PAM: variants seen among roughly 807,000 people sequenced by gnomAD.
PAM encodes peptidyl-glycine alpha-amidating monooxygenase.
Under a neutral mutation model 122.1 loss-of-function variants are expected in PAM, and 72 were observed. The ratio of observed to expected loss-of-function variants is 0.59; its 90% CI spans 0.49 to 0.72. PAM has a LOEUF of 0.72. Among genes scored for constraint, PAM ranks in the 30% least tolerant of loss-of-function variants. The pLI, the probability that PAM is intolerant of heterozygous loss-of-function variation, is 0.00. For synonymous variants in PAM, 389 were observed against 404.4 expected, an observed-to-expected ratio of 0.96 and a Z score of 0.46; for missense variants, 1,106 against 1,183.7, an observed-to-expected ratio of 0.93 and a Z score of 0.96.
At chr5:102,924,525 T>G (rs1020716614) in intron 5 of PAM, among the ~76,000 whole-genome samples, 1 of 152,080 alleles carries the variant, frequency 6.6e-6, no homozygotes, top group Non-Finnish European at 1.5e-5. Flanking sequence ...CACTGTTTGT[T>G]GCTTTGGCCA....
chr5:102,762,100 A>G (rs1752522851), intron 1 of PAM, among the ~76,000 whole-genome samples: 1 of 152,194 alleles, frequency 6.6e-6, no homozygotes, highest in African/African-American at 2.4e-5. Flanking sequence ...GAGTTTTGAA[A>G]TCTTATTTTT....
At chr5:102,771,860 A>G (rs979542757) in intron 1 of PAM, among the ~76,000 whole-genome samples, 13 of 152,116 alleles carry the variant, frequency 8.5e-5, no homozygotes, top group African/African-American at 2.9e-4. Context: ...GTGATATGCT[A>G]GAAGGGCTGT....
At chr5:102,822,301 T>A (rs1561539831) in intron 1 of PAM, among the ~76,000 whole-genome samples, 2 of 152,338 alleles carry the variant, frequency 1.3e-5, no homozygotes, top group East Asian at 3.9e-4. Flanking sequence ...TATTCTAATT[T>A]AGAGTCACAG....
At chr5:102,845,553 C>T (rs1281076175) in intron 1 of PAM, among the ~76,000 whole-genome samples, 2 of 152,148 alleles carry the variant, frequency 1.3e-5, no homozygotes, top group African/African-American at 2.4e-5. Context: ...TCATAAAATC[C>T]GATGGCTCCA....
chr5:103,014,649 C>T (rs940970771), intron 21 of PAM, among the ~76,000 whole-genome samples: 1 of 152,126 alleles, frequency 6.6e-6, no homozygotes, highest in Non-Finnish European at 1.5e-5. Context: ...TGTGCATACC[C>T]ACTCCTTATC....
chr5:102,843,287 A>G (rs1272974581), intron 1 of PAM, among the ~76,000 whole-genome samples: 1 of 152,210 alleles, frequency 6.6e-6, no homozygotes, highest in Non-Finnish European at 1.5e-5. Flanking sequence ...AATTGAGACT[A>G]CGTCTTAAAA....
intron 1 of PAM, among the ~76,000 whole-genome samples, chr5:102,793,379 A>G (rs1762546023): frequency 1.3e-5 from 2 of 151,874 alleles, no homozygotes; most frequent in Admixed American, 6.6e-5. Context: ...AATGAAAAAA[A>G]AAATAGCTGA....
intron 17 of PAM, among the ~76,000 whole-genome samples, chr5:103,004,620 T>A (rs189241707): frequency 6.6e-6 from 1 of 152,334 alleles, no homozygotes; most frequent in Non-Finnish European, 1.5e-5. Flanking sequence ...TAGCTCACTA[T>A]TTCACTTTGC....
At chr5:102,967,848 G>A (rs956857786) in intron 14 of PAM, among the ~76,000 whole-genome samples, 2 of 151,170 alleles carry the variant, frequency 1.3e-5, no homozygotes. Context: ...TCAGCCTCCT[G>A]AGTAGCTGGG....
At chr5:102,919,567 A>G (rs1746656046) in intron 5 of PAM, among the ~76,000 whole-genome samples, 1 of 149,132 alleles carries the variant, frequency 6.7e-6, no homozygotes, top group Non-Finnish European at 1.5e-5. Context: ...TGTCAGTATA[A>G]ATAAAAATAA....
At chr5:102,867,535 G>A in intron 3 of PAM, 142 bp downstream of exon 3, 1 of 496,414 alleles carries the variant, frequency 2.0e-6, no homozygotes, top group Non-Finnish European at 3.5e-6. Flanking sequence ...TAGAATAATT[G>A]AATATTTTAA....
At position 102,932,403 on chromosome 5, in the gene PAM, G is replaced by A. The variant is rs183968534; in HGVS notation, c.526+5735G>A. ...CTAGAGAGACTGAGGCAGGAAAATC[G>A]TTTGAACCCGGGAGGCAGAGGTTGC... On this transcript the variant is annotated intron_variant, in intron 7 of 25. Transcript: ENST00000438793. Among the ~76,000 whole-genome samples, 668 of 151,976 alleles carry A rather than the reference G, an allele frequency of 4.4e-3. 4 individuals carry two copies. The highest frequency in any genetic ancestry group is 0.015 in the African/African-American group (637 of 41,456).
At chr5:102,874,316 C>T (rs1430196496) in intron 3 of PAM, among the ~76,000 whole-genome samples, 1 of 152,148 alleles carries the variant, frequency 6.6e-6, no homozygotes, top group Non-Finnish European at 1.5e-5. Context: ...AAGTAGATTA[C>T]AAAAATGTTA....
intron 12 of PAM, among the ~76,000 whole-genome samples, chr5:102,957,517 C>CT (rs367965288): frequency 1.1e-4 from 16 of 148,788 alleles, no homozygotes; most frequent in East Asian, 3.9e-4. Flanking sequence ...TGTTTGTTTG[C>CT]TTTTTTTTTT....
At chr5:102,756,986 A>G (rs761832154) in intron 1 of PAM, among the ~76,000 whole-genome samples, 4 of 152,216 alleles carry the variant, frequency 2.6e-5, no homozygotes, top group Non-Finnish European at 4.4e-5. Context: ...TAATGACTAT[A>G]CATGGCAAGT....
intron 3 of PAM, among the ~76,000 whole-genome samples, chr5:102,892,355 C>G (rs1385401742): frequency 2.0e-5 from 3 of 151,804 alleles, no homozygotes; most frequent in Admixed American, 6.6e-5. Context: ...ATCATTCTTG[C>G]ATTTGTTCTA....
rs746622238 is a variant in PAM at position 103,025,262 on chromosome 5, C to T, written c.2617C>T (p.Leu873=). The T allele has an allele frequency of 5.0e-6, 8 of 1,613,632 alleles. No individual in the cohort carries two copies. Among genetic ancestry groups the T allele is most frequent in the Admixed American group, 1.7e-5 (1 of 59,988 alleles). Residue 873 remains leucine, a synonymous_variant, in exon 24 of 26, where the codon CTG becomes TTG. Transcript: ENST00000438793. The part of the protein sequence containing the change: ...GVPVVLITTL[L]VIPVVVLLAI... ...GCCTGTTGTTCTCATTACAACCCTT[C>T]TGGTTATTCCGGTGGTTGTCCTGCT... is the stretch of plus-strand genomic sequence containing the variant.
At chr5:102,933,300 A>G (rs1752198985) in intron 7 of PAM, among the ~76,000 whole-genome samples, 1 of 152,262 alleles carries the variant, frequency 6.6e-6, no homozygotes, top group Non-Finnish European at 1.5e-5. Context: ...TAGCATAAAT[A>G]GACTTTGGCT....
At chr5:102,985,728 T>C (rs964770286) in intron 15 of PAM, among the ~76,000 whole-genome samples, 1 of 152,188 alleles carries the variant, frequency 6.6e-6, no homozygotes, top group African/African-American at 2.4e-5. Flanking sequence ...AGGGAATTCT[T>C]CTTAATTTAT....
Sources: allele counts gnomAD v4.1 joint callset (sites outside exome capture counted in the v4.1 genomes callset), GRCh38; gene constraint gnomAD v4.1.1; transcripts MANE v1.5; gene names NCBI Gene and HGNC (gene_info 2026-07-23, HGNC 2026-07-21).